The following YEATS4 variants were observed in gnomAD, a reference collection of about 807,000 sequenced individuals.
YEATS4 encodes YEATS domain-containing protein 4.
YEATS4 carries 17 observed loss-of-function variants against 30.1 expected under a neutral mutation model. The observed-to-expected ratio is 0.56, with a 90% CI of 0.39 to 0.85. The LOEUF (loss-of-function observed/expected upper bound fraction) is 0.85, where lower values mean the gene tolerates loss of function less well. YEATS4 is among the 40% of genes least tolerant of loss of function. The pLI, the probability that YEATS4 is intolerant of heterozygous loss-of-function variation, is 0.00. For synonymous variants in YEATS4, 85 were observed against 87.5 expected (o/e 0.97, Z 0.16); for missense variants, 142 against 268.3 (o/e 0.53, Z 3.29).
At chr12:69,372,269 A>G (rs192306187) in intron 6 of YEATS4, among the ~76,000 whole-genome samples, 4 of 152,304 alleles carry the variant, frequency 2.6e-5, no homozygotes, top group East Asian at 1.9e-4. Flanking sequence ...CAGGCATACA[A>G]TGTCTAAAAA....
chr12:69,362,997 T>G, intron 2 of YEATS4, 90 bp downstream of exon 2: 1 of 1,256,166 alleles, frequency 8.0e-7, no homozygotes, highest in Non-Finnish European at 1.0e-6. Flanking sequence ...TTTTTTTTTT[T>G]TTTTTTTTTT....
chr12:69,412,374 G>A, the YEATS4 span, among the ~76,000 whole-genome samples: 8 of 152,064 alleles, frequency 5.3e-5, no homozygotes, highest in African/African-American at 9.7e-5. Flanking sequence ...AGGCAAGTCC[G>A]GGCGCGGTGG....
chr12:69,376,983 T>C (rs996769208), intron 6 of YEATS4, among the ~76,000 whole-genome samples: 1 of 152,222 alleles, frequency 6.6e-6, no homozygotes, highest in African/African-American at 2.4e-5. Flanking sequence ...TCTAATTTAT[T>C]GGCATATAAT....
intron 6 of YEATS4, among the ~76,000 whole-genome samples, chr12:69,381,169 T>C (rs2603085): frequency 0.058 from 8,769 of 152,134 alleles, 358 homozygotes; most frequent in African/African-American, 0.11. Flanking sequence ...GCTAATTTCA[T>C]CCCTACAGCT....
At chr12:69,404,872 C>T in the YEATS4 span, among the ~76,000 whole-genome samples, 74 of 152,248 alleles carry the variant, frequency 4.9e-4, no homozygotes, top group South Asian at 2.1e-4. Context: ...TAACCCAATC[C>T]GGATTAATCA....
In YEATS4 at chr12:69,370,985, A is replaced by C; in HGVS notation, c.514+10A>C. 2 of 1,602,168 alleles carry C rather than the reference A, an allele frequency of 1.2e-6. No individual in the cohort carries two copies. Among genetic ancestry groups the C allele is most frequent in the Non-Finnish European group, 1.7e-6 (2 of 1,174,820 alleles). ...AAGCATGAAACAGAATGTAAGTGCC[A>C]TGCATTCATAATTCTGAAAAATAAC... On this transcript the variant is annotated intron_variant, in intron 6 of 6. Coordinates refer to ENST00000247843, the MANE Select transcript of YEATS4 (RefSeq NM_006530.4).
chr12:69,361,735 A>T (rs1875218261), intron 1 of YEATS4, among the ~76,000 whole-genome samples: 1 of 152,202 alleles, frequency 6.6e-6, no homozygotes, highest in Non-Finnish European at 1.5e-5. Flanking sequence ...TTTTCACTTC[A>T]ATTGAAATTT....
rs1875111759 is a variant in YEATS4 at position 69,359,880 on chromosome 12, C to T, written c.-93C>T. 8.5e-6 allele frequency: 13 copies of T among 1,524,616 alleles called. No homozygotes were observed. In the Admixed American group the frequency reaches 1.8e-4, roughly 21 times the overall value. The allele number at this position is 1,524,616 out of a possible 1,614,324, so 94.4% of individuals were successfully genotyped here. A position where few individuals can be genotyped will look rare whatever the true frequency, so the allele number is the denominator to read the frequency against. On this transcript the variant is annotated 5_prime_UTR_variant, in exon 1 of 7. Transcript: ENST00000247843. ...TCGGCTAGAAACCCTCCGCCTGGGC[C>T]CGCGCGACAGGAGCGCGGTCTCTGA...
At chr12:69,404,230 C>G in the YEATS4 span, among the ~76,000 whole-genome samples, 11 of 152,194 alleles carry the variant, frequency 7.2e-5, no homozygotes, top group Admixed American at 3.3e-4. Flanking sequence ...CCAAGCTTAA[C>G]TTATCTCCTA....
chr12:69,406,795 T>C, the YEATS4 span, among the ~76,000 whole-genome samples: 1 of 152,068 alleles, frequency 6.6e-6, no homozygotes, highest in East Asian at 1.9e-4. Flanking sequence ...ACATTTAGAT[T>C]GTTTCCAATT....
chr12:69,425,600 C>T, the YEATS4 span, among the ~76,000 whole-genome samples: 1 of 152,224 alleles, frequency 6.6e-6, no homozygotes, highest in African/African-American at 2.4e-5. Context: ...CCTCCCCCGA[C>T]TTCCAGATGC....
rs1555174244 is a variant in YEATS4, at chr12:69,362,015, T to TTTTGTTTTTG, written c.52-770_52-769insGTTTTTGTTT. On this transcript the variant is annotated intron_variant, in intron 1 of 6. Coordinates refer to ENST00000247843, the MANE Select transcript of YEATS4 (RefSeq NM_006530.4). ...TTTAAATTGTAGGGTGTTTGGTTGT[T>TTTTGTTTTTG]TTTTTTTTTTTTTTTTTTTGGAGAC... 4.6e-4 allele frequency among the ~76,000 whole-genome samples: 51 copies of TTTTGTTTTTG among 111,738 alleles called. 1 individual carries two copies. The highest frequency in any genetic ancestry group is 8.1e-3 in the Middle Eastern group (2 of 246). The allele number at this position is 111,738 out of a possible 152,430, so 73.3% of individuals were successfully genotyped here.
chr12:69,377,895 TTTG>T (rs1404996455), intron 6 of YEATS4, among the ~76,000 whole-genome samples: 13 of 152,198 alleles, frequency 8.5e-5, no homozygotes, highest in African/African-American at 3.1e-4. Context: ...ATGGTATTTT[TTTG>T]TTGATTTTCT....
chr12:69,417,856 GAAAAAAA>G, the YEATS4 span, among the ~76,000 whole-genome samples: 19 of 101,966 alleles, frequency 1.9e-4, no homozygotes, highest in African/African-American at 4.8e-4. Context: ...TTACAATAGG[GAAAAAAA>G]AAAAAAAAAA....
chr12:69,395,942 A>G, the YEATS4 span, among the ~76,000 whole-genome samples: 3,472 of 152,222 alleles, frequency 0.023, 140 homozygotes, highest in African/African-American at 0.077. Context: ...GGACTCTCTG[A>G]TCTGGCTTTT....
chr12:69,363,996 A>G (rs1340216217), intron 2 of YEATS4, among the ~76,000 whole-genome samples: 1 of 152,244 alleles, frequency 6.6e-6, no homozygotes, highest in Non-Finnish European at 1.5e-5. Context: ...TTTATATGAA[A>G]TGTCCAGAAG....
chr12:69,417,591 C>T, the YEATS4 span, among the ~76,000 whole-genome samples: 44 of 152,100 alleles, frequency 2.9e-4, no homozygotes, highest in Admixed American at 2.5e-3. Context: ...CTACAGAAAT[C>T]GGTTACAGAA....
downstream of YEATS4, among the ~76,000 whole-genome samples, chr12:69,391,907 A>G (rs1868319141): frequency 6.6e-6 from 1 of 152,190 alleles, no homozygotes; most frequent in Non-Finnish European, 1.5e-5. Context: ...ACTAAAGTCC[A>G]TGTAGGTAGG....
intron 6 of YEATS4, among the ~76,000 whole-genome samples, chr12:69,383,867 C>T (rs1021821030): frequency 1.1e-4 from 17 of 152,004 alleles, no homozygotes; most frequent in Non-Finnish European, 1.8e-4. Context: ...AAGCAAGATA[C>T]GGGGTCAAGA....
Sources: gnomAD v4.1 joint callset for allele counts (sites outside exome capture counted in the v4.1 genomes callset) on GRCh38, gnomAD v4.1.1 for gene constraint, MANE v1.5 for transcripts, NCBI Gene and HGNC (gene_info 2026-07-23, HGNC 2026-07-21) for gene names.